The following CLIP2 variants were observed in gnomAD, a reference collection of about 807,000 sequenced individuals.
The protein encoded by CLIP2 is CAP-Gly domain-containing linker protein 2.
In CLIP2, 41 loss-of-function variants were observed where a neutral mutation model predicts 111.7. The ratio of observed to expected loss-of-function variants is 0.37; its 90% confidence interval spans 0.29 to 0.48. The LOEUF (loss-of-function observed/expected upper bound fraction) is 0.48. Ranked by LOEUF, CLIP2 falls within the 20% of genes least tolerant of loss-of-function variation. The pLI is 0.99. For missense variants in CLIP2, 1,160 were observed against 1,422.1 expected (o/e 0.82, Z 2.96); for synonymous variants, 660 against 644.2 (o/e 1.02, Z -0.37).
chr7:74,334,398 C>CG (rs1789389613), intron 2 of CLIP2, among the ~76,000 whole-genome samples: 1 of 151,940 alleles, frequency 6.6e-6, no homozygotes, highest in Admixed American at 6.6e-5. Context: ...GGGAGGGAGT[C>CG]GGGGAGAGAT....
intron 8 of CLIP2, among the ~76,000 whole-genome samples, chr7:74,366,510 G>A (rs1554310864): frequency 6.6e-6 from 1 of 152,220 alleles, no homozygotes; most frequent in Non-Finnish European, 1.5e-5. Flanking sequence ...TCCTGGGGCT[G>A]CAATAATGCA....
At chr7:74,336,772 A>T (rs499394) in intron 2 of CLIP2, among the ~76,000 whole-genome samples, 1 of 151,444 alleles carries the variant, frequency 6.6e-6, no homozygotes, top group Non-Finnish European at 1.5e-5. Flanking sequence ...AATGGGGGCA[A>T]TTGGGGATCA....
intron 11 of CLIP2, among the ~76,000 whole-genome samples, chr7:74,385,398 C>T (rs1226036860): frequency 6.8e-6 from 1 of 146,402 alleles, no homozygotes; most frequent in Non-Finnish European, 1.5e-5. Flanking sequence ...CCCAGGGGGT[C>T]GAGGCTGCAG....
chr7:74,389,025 C>G, intron 12 of CLIP2, 78 bp from the exon 13 acceptor site: 5 of 1,503,118 alleles, frequency 3.3e-6, no homozygotes, highest in Non-Finnish European at 4.5e-6. Context: ...GCGCCCTGCC[C>G]AGGTCTTTGC....
At chr7:74,363,079 A>G (rs1182627516) in intron 7 of CLIP2, among the ~76,000 whole-genome samples, 1 of 150,954 alleles carries the variant, frequency 6.6e-6, no homozygotes, top group African/African-American at 2.4e-5. Context: ...ATCTCAGCTC[A>G]CCGCAACCTC....
rs1385462285 is a variant in CLIP2 at position 74,357,496 on chromosome 7, T to C, written c.1215+19T>C. 2 of 1,600,496 alleles carry C rather than the reference T, an allele frequency of 1.2e-6. No homozygotes were observed. The highest frequency in any genetic ancestry group is 1.7e-6 in the Non-Finnish European group (2 of 1,173,808). ...TGAGCAGGTGAGTGGCAGGTGGGGC[T>C]GGGGGCAGAGCTTCTCCAGCCAGCC... On this transcript the variant is annotated intron_variant, in intron 6 of 16. Transcript: ENST00000223398.
intron 2 of CLIP2, among the ~76,000 whole-genome samples, chr7:74,318,427 A>G (rs1788849438): frequency 6.6e-6 from 1 of 152,070 alleles, no homozygotes; most frequent in Non-Finnish European, 1.5e-5. Context: ...AAAAACTGTA[A>G]TTGAGCTGGG....
chr7:74,323,084 TA>T (rs1789007322), intron 2 of CLIP2, among the ~76,000 whole-genome samples: 1 of 6,584 alleles, frequency 1.5e-4, no homozygotes, highest in African/African-American at 4.6e-4. Flanking sequence ...AGCTATGTTT[TA>T]TTTATTTATT....
intron 1 of CLIP2, 130 bp downstream of exon 1, chr7:74,289,864 C>A (rs1326089347): frequency 1.4e-5 from 1 of 72,324 alleles, no homozygotes; most frequent in Non-Finnish European, 2.9e-5. Flanking sequence ...TGGGCGGGGG[C>A]GGGAGGGTTC....
intron 1 of CLIP2, among the ~76,000 whole-genome samples, chr7:74,313,793 C>T (rs557260483): frequency 2.0e-5 from 3 of 152,264 alleles, no homozygotes; most frequent in Admixed American, 6.6e-5. Context: ...CCCTGAGACG[C>T]CTCACCTGAT....
chr7:74,301,634 C>G (rs1319538225), intron 1 of CLIP2, among the ~76,000 whole-genome samples: 1 of 151,630 alleles, frequency 6.6e-6, no homozygotes, highest in African/African-American at 2.4e-5. Flanking sequence ...TCAGGTGATC[C>G]GCCCACCTCC....
In CLIP2 at chr7:74,404,117, T is replaced by C; in HGVS notation, c.*269T>C. The C allele has an allele frequency of 2.1e-6, 1 of 481,322 alleles. No homozygotes were observed. The highest frequency in any genetic ancestry group is 2.0e-5 in the African/African-American group (1 of 51,218). The allele number at this position is 481,322 out of a possible 1,614,324, so 29.8% of individuals were successfully genotyped here. A position where few individuals can be genotyped will look rare whatever the true frequency, so the allele number is the denominator to read the frequency against. On this transcript the variant is annotated 3_prime_UTR_variant, in exon 17 of 17. Transcript: ENST00000223398. The stretch of plus-strand genomic sequence containing the variant: ...TTCAGCCTGGACACCCGGCAGCTTC[T>C]GGAGTTTGTCAGTGGAGGCAGAGGG...
intron 3 of CLIP2, among the ~76,000 whole-genome samples, chr7:74,347,159 C>G (rs1453437047): frequency 1.3e-5 from 2 of 152,176 alleles, no homozygotes; most frequent in African/African-American, 2.4e-5. Context: ...GACTGTTCCT[C>G]TAGCTGATGT....
At chr7:74,316,727 A>C (rs1788783532) in intron 1 of CLIP2, among the ~76,000 whole-genome samples, 1 of 151,956 alleles carries the variant, frequency 6.6e-6, no homozygotes, top group South Asian at 2.1e-4. Flanking sequence ...AAGCCTGGCT[A>C]ATTTTTGTAT....
chr7:74,293,922 GTT>G (rs376641829), intron 1 of CLIP2, among the ~76,000 whole-genome samples: 1 of 144,974 alleles, frequency 6.9e-6, no homozygotes. Context: ...CTTTTTTTTT[GTT>G]TTTTTTTTTG....
At chr7:74,398,643 C>T (rs1025374336) in intron 14 of CLIP2, among the ~76,000 whole-genome samples, 5 of 152,214 alleles carry the variant, frequency 3.3e-5, no homozygotes, top group African/African-American at 7.2e-5. Context: ...CCCCTATATC[C>T]GGGAGTAGGC....
At chr7:74,359,570 T>A (rs565400791) in intron 6 of CLIP2, among the ~76,000 whole-genome samples, 76 of 151,970 alleles carry the variant, frequency 5.0e-4, no homozygotes, top group Non-Finnish European at 8.4e-4. Context: ...TTAGCCAGGA[T>A]GGTCTCAATC....
chr7:74,373,282 G>A (rs1554312272), intron 9 of CLIP2, among the ~76,000 whole-genome samples: 1 of 152,182 alleles, frequency 6.6e-6, no homozygotes, highest in African/African-American at 2.4e-5. Flanking sequence ...TGGATCGCCT[G>A]AGGTCAGGAG....
chr7:74,402,030 AGGCC>A (rs1791636836), intron 16 of CLIP2, among the ~76,000 whole-genome samples: 1 of 152,084 alleles, frequency 6.6e-6, no homozygotes, highest in Non-Finnish European at 1.5e-5. Context: ...TGGGAGGCCG[AGGCC>A]GGTGGGTCAC....
Sources: gnomAD v4.1 joint callset for allele counts (sites outside exome capture counted in the v4.1 genomes callset) on GRCh38, gnomAD v4.1.1 for gene constraint, MANE v1.5 for transcripts, NCBI Gene and HGNC (gene_info 2026-07-23, HGNC 2026-07-21) for gene names.